The following CLCN3 variants were observed in gnomAD, a reference collection of about 807,000 sequenced individuals.
The protein encoded by CLCN3 is Cl-/H+ antiporter 3.
CLCN3 carries 16 observed loss-of-function variants against 83.4 expected under a neutral mutation model. The ratio of observed to expected loss-of-function variants is 0.19; its 90% CI spans 0.13 to 0.29. The LOEUF is 0.29. Ranked by LOEUF, CLCN3 falls within the 10% of genes least tolerant of loss-of-function variation. The probability of loss-of-function intolerance (pLI) is 1.00; values close to 1 mark genes in which losing one functional copy is unlikely to be tolerated. For missense variants in CLCN3, 544 were observed against 1,006.0 expected, an observed-to-expected ratio of 0.54 and a Z score of 6.21; for synonymous variants, 322 against 346.2, an observed-to-expected ratio of 0.93 and a Z score of 0.78.
intron 9 of CLCN3, among the ~76,000 whole-genome samples, chr4:169,698,173 G>A (rs1732640561): frequency 1.3e-5 from 2 of 152,198 alleles, no homozygotes. Flanking sequence ...GAGGCATGGA[G>A]TGCATAATAA....
At chr4:169,668,477 T>A (rs1581227006) in intron 2 of CLCN3, among the ~76,000 whole-genome samples, 1 of 152,212 alleles carries the variant, frequency 6.6e-6, no homozygotes, top group East Asian at 1.9e-4. Flanking sequence ...AAAACCAAGG[T>A]ACTCAAAGAG....
chr4:169,714,457 A>G (rs1005678980), intron 12 of CLCN3, among the ~76,000 whole-genome samples: 3 of 152,134 alleles, frequency 2.0e-5, no homozygotes, highest in Non-Finnish European at 4.4e-5. Flanking sequence ...TTATAGCCCT[A>G]CTTTACAGAT....
intron 1 of CLCN3, among the ~76,000 whole-genome samples, chr4:169,627,237 T>G (rs1271627356): frequency 6.6e-6 from 1 of 152,250 alleles, no homozygotes; most frequent in Non-Finnish European, 1.5e-5. Flanking sequence ...GGTTTTACTA[T>G]GATGCTTTTA....
intron 2 of CLCN3, among the ~76,000 whole-genome samples, chr4:169,663,887 A>G (rs1041245349): frequency 2.0e-5 from 3 of 152,210 alleles, no homozygotes; most frequent in African/African-American, 7.2e-5. Flanking sequence ...TTAAACACAG[A>G]CAGAATCCTG....
chr4:169,651,262 G>A (rs554194448), intron 2 of CLCN3, among the ~76,000 whole-genome samples: 38 of 152,086 alleles, frequency 2.5e-4, no homozygotes, highest in African/African-American at 9.2e-4. Flanking sequence ...ATCATGATGC[G>A]ACAAATTAAC....
intron 1 of CLCN3, among the ~76,000 whole-genome samples, chr4:169,630,323 C>T (rs543775853): frequency 1.3e-5 from 2 of 152,208 alleles, no homozygotes; most frequent in South Asian, 4.1e-4. Context: ...CTATTGTTGC[C>T]ATCTGTACAT....
chr4:169,718,743 TTATG>T (rs1206366365), intron 12 of CLCN3, among the ~76,000 whole-genome samples: 1 of 152,198 alleles, frequency 6.6e-6, no homozygotes, highest in African/African-American at 2.4e-5. Context: ...GCACAACTGA[TTATG>T]TATTCCTGTG....
At chr4:169,682,768 A>C (rs746025935) in intron 3 of CLCN3, among the ~76,000 whole-genome samples, 43 of 152,228 alleles carry the variant, frequency 2.8e-4, no homozygotes, top group Non-Finnish European at 5.7e-4. Flanking sequence ...ACTGGGAAGC[A>C]TGGCAGTCAA....
chr4:169,695,123 A>G (rs1732516282), intron 7 of CLCN3, among the ~76,000 whole-genome samples: 1 of 152,188 alleles, frequency 6.6e-6, no homozygotes, highest in African/African-American at 2.4e-5. Flanking sequence ...GCAGTATTTC[A>G]GAATGCATAG....
At chr4:169,681,761 A>T (rs1731949274) in intron 3 of CLCN3, among the ~76,000 whole-genome samples, 1 of 152,232 alleles carries the variant, frequency 6.6e-6, no homozygotes, top group Non-Finnish European at 1.5e-5. Flanking sequence ...ACATGTTGAC[A>T]TAAATAACAT....
chr4:169,631,372 C>T (rs541766151), intron 1 of CLCN3, among the ~76,000 whole-genome samples: 30 of 152,216 alleles, frequency 2.0e-4, no homozygotes, highest in Admixed American at 1.6e-3. Context: ...CTGCAAGCTC[C>T]GCCTCCTGGT....
chr4:169,646,696 T>C (rs1347708295), intron 2 of CLCN3, among the ~76,000 whole-genome samples: 1 of 152,200 alleles, frequency 6.6e-6, no homozygotes, highest in Non-Finnish European at 1.5e-5. Context: ...AAGCCACTTA[T>C]CTATATTGTT....
At chr4:169,716,616 A>C (rs1170322111) in intron 12 of CLCN3, among the ~76,000 whole-genome samples, 1 of 151,894 alleles carries the variant, frequency 6.6e-6, no homozygotes, top group Non-Finnish European at 1.5e-5. Flanking sequence ...TTGGAGGGGG[A>C]AGTTGCTCCC....
intron 1 of CLCN3, among the ~76,000 whole-genome samples, chr4:169,632,684 T>G (rs536173427): frequency 8.7e-6 from 1 of 114,574 alleles, no homozygotes; most frequent in South Asian, 3.0e-4. Context: ...GCCACTGCAC[T>G]CCAGCCTGGG....
At chr4:169,700,968 G>A (rs1732762978) in intron 9 of CLCN3, among the ~76,000 whole-genome samples, 1 of 152,164 alleles carries the variant, frequency 6.6e-6, no homozygotes, top group Non-Finnish European at 1.5e-5. Flanking sequence ...GGTAGGACTG[G>A]CTGTAGCAAT....
At chr4:169,670,749 A>G (rs1010059530) in intron 2 of CLCN3, among the ~76,000 whole-genome samples, 1 of 152,236 alleles carries the variant, frequency 6.6e-6, no homozygotes, top group Non-Finnish European at 1.5e-5. Context: ...ATCCATGAGC[A>G]TGGAATGTTT....
chr4:169,691,185 G>GT (rs1027346190), intron 6 of CLCN3, among the ~76,000 whole-genome samples: 131 of 142,962 alleles, frequency 9.2e-4, no homozygotes, highest in East Asian at 1.0e-3. Context: ...TTTTTTGTTT[G>GT]TTTTTTTTTT....
intron 1 of CLCN3, among the ~76,000 whole-genome samples, chr4:169,629,358 C>A (rs1011558794): frequency 6.6e-6 from 1 of 152,084 alleles, no homozygotes; most frequent in Non-Finnish European, 1.5e-5. Flanking sequence ...AAAAATTGAA[C>A]ATCTACTGTG....
chr4:169,671,385 G>A (rs564290072), intron 2 of CLCN3, among the ~76,000 whole-genome samples: 1 of 152,254 alleles, frequency 6.6e-6, no homozygotes, highest in Admixed American at 6.5e-5. Context: ...CTTATAAGTG[G>A]GAGTTGAACA....
Sources: allele counts gnomAD v4.1 joint callset (sites outside exome capture counted in the v4.1 genomes callset), GRCh38; gene constraint gnomAD v4.1.1; transcripts MANE v1.5; gene names NCBI Gene and HGNC (gene_info 2026-07-23, HGNC 2026-07-21).